CDCA5: variants seen among roughly 807,000 people sequenced by gnomAD.
CDCA5 encodes the protein cell division cycle associated 5.
A neutral mutation model predicts 25.7 loss-of-function variants in CDCA5; 14 were observed. The observed-to-expected ratio is 0.54, with a 90% CI of 0.36 to 0.85. The LOEUF (loss-of-function observed/expected upper bound fraction) is 0.85, where lower values mean the gene tolerates loss of function less well. CDCA5 is among the 40% of genes least tolerant of loss of function. The pLI, the probability that CDCA5 is intolerant of heterozygous loss-of-function variation, is 0.01. For missense variants in CDCA5, 307 were observed against 324.5 expected (o/e 0.95, Z 0.41); for synonymous variants, 127 against 128.7 (o/e 0.99, Z 0.09).
downstream of CDCA5, among the ~76,000 whole-genome samples, chr11:65,076,874 T>C (rs1233978346): frequency 2.0e-5 from 3 of 152,020 alleles, no homozygotes; most frequent in Non-Finnish European, 4.4e-5. Flanking sequence ...CGGGAGGGTG[T>C]TTGCTTCCCA....
At chr11:65,083,843 C>T in intron 1 of CDCA5, 90 bp downstream of exon 1, 1 of 1,591,930 alleles carries the variant, frequency 6.3e-7, no homozygotes, top group South Asian at 1.1e-5. Flanking sequence ...CCTCCTCCGG[C>T]GGCGGCAGCG....
chr11:65,063,843 G>A (rs1241583288), downstream of CDCA5, among the ~76,000 whole-genome samples: 3 of 152,200 alleles, frequency 2.0e-5, no homozygotes, highest in Non-Finnish European at 4.4e-5. Flanking sequence ...TGGGGCCCAC[G>A]CAGCTTTGCT....
downstream of CDCA5, among the ~76,000 whole-genome samples, chr11:65,064,311 G>A (rs959421355): frequency 2.6e-5 from 4 of 151,768 alleles, no homozygotes; most frequent in Non-Finnish European, 4.4e-5. Context: ...CCAGCTACTC[G>A]GGAGGCTGAG....
Position 65,079,088 on chromosome 11 carries a change from G to T in CDCA5, c.*19C>A. 6.6e-7 allele frequency: 1 copy of T among 1,512,802 alleles called. No homozygotes were observed. The highest frequency in any genetic ancestry group is 8.8e-7 in the Non-Finnish European group (1 of 1,133,634). The allele number at this position is 1,512,802 out of a possible 1,614,324, so 93.7% of individuals were successfully genotyped here. On this transcript the variant is annotated 3_prime_UTR_variant, in exon 6 of 6. Coordinates refer to ENST00000275517, the MANE Select transcript of CDCA5 (RefSeq NM_080668.4). ...AGGACAGGAGGGAGAGTCTGGCCAGGTGCACCCCCCACTGCATCTCATTCA... is the reference window on the plus strand; with the variant it reads ...AGGACAGGAGGGAGAGTCTGGCCAGTTGCACCCCCCACTGCATCTCATTCA...
At chr11:65,080,980 G>T (rs1442525573) in intron 4 of CDCA5, among the ~76,000 whole-genome samples, 1 of 152,200 alleles carries the variant, frequency 6.6e-6, no homozygotes, top group Non-Finnish European at 1.5e-5. Flanking sequence ...ACTTGAAGGA[G>T]GTGTGGGAGT....
chr11:65,076,632 G>A (rs940746271), downstream of CDCA5, among the ~76,000 whole-genome samples: 1 of 152,180 alleles, frequency 6.6e-6, no homozygotes. Context: ...ATGACTAGGA[G>A]GCAAGTACAA....
chr11:65,066,388 C>G (rs1947236526), exon 7 of CDCA5: 2 of 1,197,690 alleles, frequency 1.7e-6, no homozygotes, highest in Non-Finnish European at 2.1e-6. Context: ...GGCCTGGGGC[C>G]TGGCCAGGCC....
downstream of CDCA5, among the ~76,000 whole-genome samples, chr11:65,061,914 A>ATT (rs35836447): frequency 0.01 from 827 of 82,254 alleles, 23 homozygotes; most frequent in African/African-American, 0.02. Flanking sequence ...CAGCTGCCTA[A>ATT]TTTTTTTTTT....
At chr11:65,069,941 G>C (rs1361541575) in intron 1 of CDCA5, among the ~76,000 whole-genome samples, 1 of 152,226 alleles carries the variant, frequency 6.6e-6, no homozygotes, top group Non-Finnish European at 1.5e-5. Context: ...ACCACAGTGC[G>C]GGGGGATGAG....
At position 65,077,836 on chromosome 11, in the gene CDCA5, T is replaced by TGGCATTCTCTGTTATCCACC. The variant is rs1457200544; in HGVS notation, c.*1251_*1270dup. On this transcript the variant is annotated 3_prime_UTR_variant, in exon 6 of 6. Transcript: ENST00000275517. Reference sequence around the variant, plus strand: ...ACCCTGACCCAGCACTCATCTTCCCTGGCATTCTCTGTTATCCACCAGCTC... The same window carrying TGGCATTCTCTGTTATCCACC: ...ACCCTGACCCAGCACTCATCTTCCCTGGCATTCTCTGTTATCCACCGGCATTCTCTGTTATCCACCAGCTC... 21 of 985,802 alleles carry TGGCATTCTCTGTTATCCACC rather than the reference T, an allele frequency of 2.1e-5. No individual in the cohort carries two copies. Among genetic ancestry groups the TGGCATTCTCTGTTATCCACC allele is most frequent in the Non-Finnish European group, 2.5e-5 (21 of 830,076 alleles). The allele number at this position is 985,802 out of a possible 1,614,324, so 61.1% of individuals were successfully genotyped here. A position where few individuals can be genotyped will look rare whatever the true frequency, so the allele number is the denominator to read the frequency against.
intron 3 of CDCA5, chr11:65,067,775 G>A (rs1404822436): frequency 2.4e-6 from 3 of 1,270,800 alleles, no homozygotes; most frequent in African/African-American, 3.1e-5. Context: ...GGGTAGTGAA[G>A]GTCAGGCCAG....
intron 1 of CDCA5, among the ~76,000 whole-genome samples, chr11:65,071,361 T>C (rs188819358): frequency 0.026 from 3,865 of 151,388 alleles, 81 homozygotes; most frequent in Non-Finnish European, 0.038. Flanking sequence ...TTTTTTTTTT[T>C]TCCTGGGGAC....
At chr11:65,067,345 G>A (rs946930897) in intron 4 of CDCA5, among the ~76,000 whole-genome samples, 3 of 152,174 alleles carry the variant, frequency 2.0e-5, no homozygotes, top group African/African-American at 7.2e-5. Context: ...TCAGGTCTAT[G>A]GCCTGGAAGC....
At chr11:65,067,814 G>T (rs979521262) in intron 3 of CDCA5, 16 of 1,065,616 alleles carry the variant, frequency 1.5e-5, no homozygotes, top group Non-Finnish European at 2.0e-5. Context: ...GAAGTGGGTG[G>T]GTGGTGTGGG....
At chr11:65,063,284 C>CCTGCCAGG (rs1565260485), downstream of CDCA5, among the ~76,000 whole-genome samples, 1 of 152,168 alleles carries the variant, frequency 6.6e-6, no homozygotes, top group African/African-American at 2.4e-5. Context: ...GGAGGAAGGC[C>CCTGCCAGG]CTGCCAGGCT....
downstream of CDCA5, among the ~76,000 whole-genome samples, chr11:65,075,114 G>A (rs528484413): frequency 1.4e-5 from 2 of 146,782 alleles, no homozygotes; most frequent in African/African-American, 5.1e-5. Flanking sequence ...TAGGCCCGGC[G>A]TGCCAGCCAC....
exon 6 of CDCA5, chr11:65,066,604 C>G (rs1009505492): frequency 3.7e-5 from 48 of 1,289,322 alleles, no homozygotes; most frequent in Non-Finnish European, 4.7e-5. Context: ...AGGGCCTTCA[C>G]TTCATCCTGG....
chr11:65,064,286 C>T (rs1351513844), downstream of CDCA5, among the ~76,000 whole-genome samples: 2 of 151,946 alleles, frequency 1.3e-5, no homozygotes, highest in Non-Finnish European at 2.9e-5. Flanking sequence ...GGCATGGTGG[C>T]GGGTGCCTGT....
chr11:65,065,162 A>G (rs1038080171), downstream of CDCA5, among the ~76,000 whole-genome samples: 3 of 152,214 alleles, frequency 2.0e-5, no homozygotes, highest in Non-Finnish European at 2.9e-5. Flanking sequence ...TTTACCATCC[A>G]TTAGACCTAG....
Sources: allele counts gnomAD v4.1 joint callset (sites outside exome capture counted in the v4.1 genomes callset), GRCh38; gene constraint gnomAD v4.1.1; transcripts MANE v1.5; gene names NCBI Gene and HGNC (gene_info 2026-07-23, HGNC 2026-07-21).